Variants in AR observed in about 807,000 individuals in gnomAD.
The protein encoded by AR is dihydrotestosterone receptor.
AR carries 8 observed loss-of-function variants against 53.9 expected under a neutral mutation model. The ratio of observed to expected loss-of-function variants is 0.15; its 90% CI spans 0.09 to 0.27. The LOEUF (loss-of-function observed/expected upper bound fraction) is 0.27, where lower values mean the gene tolerates loss of function less well. Among genes scored for constraint, AR ranks in the 10% least tolerant of loss-of-function variants. AR has a pLI of 1.00. For synonymous variants in AR, 359 were observed against 316.4 expected, an observed-to-expected ratio of 1.13 and a Z score of -1.43; for missense variants, 639 against 742.5, an observed-to-expected ratio of 0.86 and a Z score of 1.62.
rs1192986947 is a variant in AR at position 67,727,259 on chromosome X, A to G, written c.*3418A>G. The G allele has an allele frequency of 1.2e-5, 2 of 167,188 alleles. No homozygotes were observed. The highest frequency in any genetic ancestry group is 6.0e-5 in the African/African-American group (2 of 33,578). 13.8% of individuals were successfully genotyped at this position (167,188 alleles called of 1,213,427 possible). A position where few individuals can be genotyped will look rare whatever the true frequency, so the allele number is the denominator to read the frequency against. On this transcript the variant is annotated 3_prime_UTR_variant, in exon 8 of 8. Transcript: ENST00000374690. ...GAAAGGGATATTTTGAAGGACTGTC[A>G]TATATCTTTGAAAAAAGAAAATCTG...
At chrX:67,681,357 C>T (rs1184179544) in intron 2 of AR, among the ~76,000 whole-genome samples, 1 of 111,703 alleles carries the variant, frequency 9.0e-6, no homozygotes, top group African/African-American at 3.3e-5. Flanking sequence ...AGTTCTCTGT[C>T]ACTTGAATAC....
At chrX:67,582,498 C>G (rs763589825) in intron 1 of AR, among the ~76,000 whole-genome samples, 1 of 111,753 alleles carries the variant, frequency 8.9e-6, no homozygotes, top group African/African-American at 3.2e-5. Flanking sequence ...CTTGTGGAGT[C>G]AACTGTAAGT....
At chrX:67,548,393 G>A (rs1198711313) in intron 1 of AR, among the ~76,000 whole-genome samples, 3 of 111,772 alleles carry the variant, frequency 2.7e-5, no homozygotes, top group Non-Finnish European at 5.6e-5. Flanking sequence ...TTTTTGTAAT[G>A]GGTTTATGCT....
intron 6 of AR, chrX:67,722,246 G>C: frequency 3.2e-6 from 1 of 313,199 alleles, no homozygotes; most frequent in East Asian, 6.1e-5. Context: ...GGTTACAGCA[G>C]GTCTCTGAAT....
At chrX:67,623,070 G>A (rs781651174) in intron 1 of AR, among the ~76,000 whole-genome samples, 1 of 110,901 alleles carries the variant, frequency 9.0e-6, no homozygotes, top group Non-Finnish European at 1.9e-5. Context: ...TTCACGATGG[G>A]GACTAGTGTG....
intron 3 of AR, among the ~76,000 whole-genome samples, chrX:67,705,132 C>CT (rs914329159): frequency 1.8e-5 from 2 of 111,376 alleles, no homozygotes; most frequent in African/African-American, 6.5e-5. Context: ...AATGCAGGCT[C>CT]TTTTTTGGTT....
chrX:67,708,729 T>A (rs1440457722), intron 3 of AR, among the ~76,000 whole-genome samples: 1 of 111,976 alleles, frequency 8.9e-6, no homozygotes, highest in African/African-American at 3.3e-5. Context: ...ATTTTTAGAA[T>A]GTTTCAGTTT....
intron 1 of AR, among the ~76,000 whole-genome samples, chrX:67,592,312 T>G (rs1922867339): frequency 1.8e-5 from 2 of 112,275 alleles, no homozygotes; most frequent in Non-Finnish European, 3.8e-5. Context: ...AAGCACAATA[T>G]AGGGCAATCC....
chrX:67,669,096 TTTGGTTTGCTC>T (rs1238583281), intron 2 of AR, among the ~76,000 whole-genome samples: 3 of 111,418 alleles, frequency 2.7e-5, no homozygotes, highest in African/African-American at 9.7e-5. Flanking sequence ...GTTATTTGAG[TTTGGTTTGCTC>T]TTGCTTTTCC....
chrX:67,672,607 AAAC>A (rs922920821), intron 2 of AR, among the ~76,000 whole-genome samples: 8 of 111,543 alleles, frequency 7.2e-5, no homozygotes, highest in African/African-American at 2.6e-4. Context: ...TCGCATAAAA[AAAC>A]ATGGAAAGAG....
chrX:67,591,696 C>T (rs1024213600), intron 1 of AR, among the ~76,000 whole-genome samples: 1 of 111,476 alleles, frequency 9.0e-6, no homozygotes, highest in African/African-American at 3.3e-5. Flanking sequence ...ACATAAAATC[C>T]TCCAAGGGGC....
rs1360922550 is a variant in AR, at chrX:67,695,744, C to CAT, written c.1885+9619_1885+9620insTA. ...ACCTTCTCCAGTCTGTCTAAACACACACACACACACACACACACACACACA... is the reference window on the plus strand; with the variant it reads ...ACCTTCTCCAGTCTGTCTAAACACACATACACACACACACACACACACACACA... On this transcript the variant is annotated intron_variant, in intron 3 of 7. Transcript: ENST00000374690. 1.8e-5 allele frequency: 13 copies of CAT among 707,301 alleles called. No individual in the cohort carries two copies. The South Asian group carries it at 5.3e-4, about 29-fold the overall frequency. The allele number at this position is 707,301 out of a possible 1,213,427, so 58.3% of individuals were successfully genotyped here.
At chrX:67,614,565 C>T (rs911930144) in intron 1 of AR, among the ~76,000 whole-genome samples, 6 of 110,831 alleles carry the variant, frequency 5.4e-5, no homozygotes, top group South Asian at 3.8e-4. Flanking sequence ...AACAAACAAA[C>T]GACTAAGCAA....
At chrX:67,677,516 A>G (rs1480636953) in intron 2 of AR, among the ~76,000 whole-genome samples, 2 of 112,033 alleles carry the variant, frequency 1.8e-5, no homozygotes, top group Non-Finnish European at 3.8e-5. Flanking sequence ...ATATCTTTAC[A>G]TGGTAATAAC....
At chrX:67,607,401 G>T (rs946389211) in intron 1 of AR, among the ~76,000 whole-genome samples, 4 of 112,066 alleles carry the variant, frequency 3.6e-5, no homozygotes, top group African/African-American at 9.7e-5. Context: ...TACTACATAA[G>T]TAATTATGAA....
chrX:67,641,495 G>A (rs1403101922), intron 1 of AR, among the ~76,000 whole-genome samples: 1 of 111,919 alleles, frequency 8.9e-6, no homozygotes, highest in African/African-American at 3.2e-5. Flanking sequence ...TTTTACCCAA[G>A]GAAATGACAT....
chrX:67,644,738 G>A (rs1041710956), intron 2 of AR, among the ~76,000 whole-genome samples: 1 of 111,379 alleles, frequency 9.0e-6, no homozygotes, highest in Non-Finnish European at 1.9e-5. Flanking sequence ...AGTCCTCAGG[G>A]CCTACAAGAA....
chrX:67,608,025 C>A (rs1232214586), intron 1 of AR, among the ~76,000 whole-genome samples: 1 of 111,908 alleles, frequency 8.9e-6, no homozygotes, highest in African/African-American at 3.3e-5. Context: ...ACTGTCCAGG[C>A]ATAATAGTCT....
chrX:67,609,976 C>G (rs779949679), intron 1 of AR, among the ~76,000 whole-genome samples: 6 of 111,321 alleles, frequency 5.4e-5, no homozygotes, highest in Non-Finnish European at 9.4e-5. Flanking sequence ...TTTCTAGAGG[C>G]CAAGAAGGAG....
Sources: gnomAD v4.1 joint callset for allele counts (sites outside exome capture counted in the v4.1 genomes callset) on GRCh38, gnomAD v4.1.1 for gene constraint, MANE v1.5 for transcripts, NCBI Gene and HGNC (gene_info 2026-07-23, HGNC 2026-07-21) for gene names.